Variants in CSMD1 observed in about 807,000 individuals in gnomAD.
CSMD1 encodes the protein CUB and sushi domain-containing protein 1.
Under a neutral mutation model 417.5 loss-of-function variants are expected in CSMD1, and 213 were observed. The observed-to-expected ratio is 0.51, with a 90% CI of 0.46 to 0.57. CSMD1 has a LOEUF of 0.57. Ranked by LOEUF, CSMD1 falls within the 20% of genes least tolerant of loss-of-function variation. CSMD1 has a pLI of 0.00. For synonymous variants in CSMD1, 2,862 were observed against 1,736.8 expected, an observed-to-expected ratio of 1.65 and a Z score of -16.11; for missense variants, 6,923 against 4,529.7, an observed-to-expected ratio of 1.53 and a Z score of -15.17.
chr8:4,579,077 C>T (rs1158150857), intron 2 of CSMD1, among the ~76,000 whole-genome samples: 2 of 151,580 alleles, frequency 1.3e-5, no homozygotes, highest in Non-Finnish European at 2.9e-5. Context: ...TAAACTGTTC[C>T]ATTTATACAG....
chr8:4,611,642 T>G (rs1801179399), intron 2 of CSMD1, among the ~76,000 whole-genome samples: 1 of 152,330 alleles, frequency 6.6e-6, no homozygotes, highest in Admixed American at 6.5e-5. Context: ...TAAGTCATTT[T>G]GTTAAGAGAA....
At chr8:4,826,779 C>G (rs919694914) in intron 1 of CSMD1, among the ~76,000 whole-genome samples, 1 of 152,098 alleles carries the variant, frequency 6.6e-6, no homozygotes, top group Non-Finnish European at 1.5e-5. Context: ...GCTCCCTCTG[C>G]TATATGGAAG....
chr8:3,262,184 A>AATATATAT (rs201972449), intron 26 of CSMD1, among the ~76,000 whole-genome samples: 5 of 63,166 alleles, frequency 7.9e-5, no homozygotes, highest in African/African-American at 1.4e-4. Context: ...TGCTCATATG[A>AATATATAT]ATATATATAT....
At chr8:4,427,354 C>T (rs900904906) in intron 2 of CSMD1, among the ~76,000 whole-genome samples, 2 of 152,174 alleles carry the variant, frequency 1.3e-5, no homozygotes, top group Non-Finnish European at 2.9e-5. Flanking sequence ...TGTCAGGACA[C>T]GGCAGAGGGT....
chr8:3,673,582 G>C (rs1189335338), intron 7 of CSMD1, among the ~76,000 whole-genome samples: 4 of 152,180 alleles, frequency 2.6e-5, no homozygotes, highest in African/African-American at 4.8e-5. Context: ...GCACATACTT[G>C]ATTCAGAGCT....
intron 37 of CSMD1, among the ~76,000 whole-genome samples, chr8:3,179,157 G>A (rs779998295): frequency 7.9e-5 from 12 of 151,276 alleles, no homozygotes; most frequent in Non-Finnish European, 1.5e-4. Context: ...GTGTTAGCCA[G>A]GACTGTCTCG....
At chr8:3,411,399 G>A (rs1196666730) in intron 12 of CSMD1, among the ~76,000 whole-genome samples, 2 of 151,948 alleles carry the variant, frequency 1.3e-5, no homozygotes, top group Non-Finnish European at 2.9e-5. Context: ...GGGAACCCAA[G>A]CAGTATATGC....
chr8:4,944,105 G>C (rs1196506729), intron 1 of CSMD1, among the ~76,000 whole-genome samples: 1 of 152,138 alleles, frequency 6.6e-6, no homozygotes, highest in Non-Finnish European at 1.5e-5. Context: ...AGGAAAGGCA[G>C]ATTCAAGTCT....
chr8:3,387,140 G>T (rs1479364461), intron 18 of CSMD1, among the ~76,000 whole-genome samples: 1 of 152,158 alleles, frequency 6.6e-6, no homozygotes, highest in African/African-American at 2.4e-5. Context: ...ACACTGGGAC[G>T]TATGTCAGGG....
At chr8:4,862,745 C>A (rs1055834852) in intron 1 of CSMD1, among the ~76,000 whole-genome samples, 3 of 152,060 alleles carry the variant, frequency 2.0e-5, no homozygotes, top group African/African-American at 7.3e-5. Flanking sequence ...AATAAAAACA[C>A]AGTAGCGACA....
chr8:3,906,680 A>C (rs1584944494), intron 5 of CSMD1, among the ~76,000 whole-genome samples: 1 of 152,086 alleles, frequency 6.6e-6, no homozygotes, highest in Non-Finnish European at 1.5e-5. Flanking sequence ...AGAGAAAATA[A>C]CTATGTTTTA....
intron 3 of CSMD1, among the ~76,000 whole-genome samples, chr8:4,321,313 T>C (rs920607131): frequency 6.6e-6 from 1 of 152,126 alleles, no homozygotes; most frequent in Non-Finnish European, 1.5e-5. Context: ...TTGCCTATTG[T>C]TTCCTCCTGA....
chr8:3,395,121 G>C (rs1426744403), intron 17 of CSMD1, among the ~76,000 whole-genome samples: 1 of 152,120 alleles, frequency 6.6e-6, no homozygotes. Flanking sequence ...CGAACAAAAG[G>C]AGATTTGAAA....
At chr8:4,228,520 T>C (rs1801506233) in intron 3 of CSMD1, among the ~76,000 whole-genome samples, 1 of 151,292 alleles carries the variant, frequency 6.6e-6, no homozygotes. Flanking sequence ...GTCAACCCTG[T>C]ATCTTGGCTC....
At chr8:3,965,902 C>T (rs1261838817) in intron 5 of CSMD1, among the ~76,000 whole-genome samples, 2 of 152,146 alleles carry the variant, frequency 1.3e-5, no homozygotes, top group Non-Finnish European at 2.9e-5. Flanking sequence ...CAGGTATGAG[C>T]CACCATGCCC....
intron 26 of CSMD1, among the ~76,000 whole-genome samples, chr8:3,265,505 G>A (rs918580225): frequency 6.6e-6 from 1 of 152,100 alleles, no homozygotes; most frequent in Non-Finnish European, 1.5e-5. Context: ...AGAACAGAAG[G>A]GGCTGGAGAA....
rs555672347 is a variant in CSMD1, at chr8:4,805,988, A to G, written c.86-168430T>C. Among the ~76,000 whole-genome samples the G allele has an allele frequency of 3.1e-4, 47 of 152,316 alleles. No individual in the cohort carries two copies. In the South Asian group the frequency reaches 9.7e-3, roughly 32 times the overall value. On this transcript the variant is annotated intron_variant, in intron 1 of 69. Coordinates refer to ENST00000635120, the MANE Select transcript of CSMD1 (RefSeq NM_033225.6). ...ATTACCAAGGGCTTTTCTTTCTCACACAAACTAAATACTCAAAGAATTATC... is the reference window on the plus strand; with the variant it reads ...ATTACCAAGGGCTTTTCTTTCTCACGCAAACTAAATACTCAAAGAATTATC...
chr8:3,024,143 G>C (rs1809670396), intron 51 of CSMD1, among the ~76,000 whole-genome samples: 2 of 152,062 alleles, frequency 1.3e-5, no homozygotes, highest in South Asian at 4.2e-4. Flanking sequence ...GTGTGTGTGT[G>C]TGTGTATGTG....
chr8:3,657,546 G>T (rs903388995), intron 7 of CSMD1, among the ~76,000 whole-genome samples: 1 of 152,048 alleles, frequency 6.6e-6, no homozygotes, highest in Non-Finnish European at 1.5e-5. Flanking sequence ...TCCTTTGCAG[G>T]GACATGGATG....
Sources: gnomAD v4.1 joint callset for allele counts (sites outside exome capture counted in the v4.1 genomes callset) on GRCh38, gnomAD v4.1.1 for gene constraint, MANE v1.5 for transcripts, NCBI Gene and HGNC (gene_info 2026-07-23, HGNC 2026-07-21) for gene names.